PPP1R21: variants seen among roughly 807,000 people sequenced by gnomAD.
PPP1R21 encodes protein phosphatase 1 regulatory subunit 21.
PPP1R21 carries 85 observed loss-of-function variants against 112.8 expected under a neutral mutation model. That is an observed-to-expected ratio of 0.75 (90% CI 0.63 to 0.90). The LOEUF (loss-of-function observed/expected upper bound fraction) is 0.90, where lower values mean the gene tolerates loss of function less well. Ranked by LOEUF, PPP1R21 falls within the 40% of genes least tolerant of loss-of-function variation. The probability of loss-of-function intolerance (pLI) is 0.00; values close to 1 mark genes in which losing one functional copy is unlikely to be tolerated. For missense variants in PPP1R21, 1,199 were observed against 901.5 expected (o/e 1.33, Z -4.23); for synonymous variants, 381 against 322.3 (o/e 1.18, Z -1.95).
chr2:48,454,592 T>C lies in PPP1R21; in HGVS notation c.127-3T>C, dbSNP rs770985883. 85 of 1,613,968 alleles carry C rather than the reference T, an allele frequency of 5.3e-5. No homozygotes were observed. In the South Asian group the frequency reaches 8.7e-4, roughly 16 times the overall value. On this transcript the variant is annotated splice_region_variant and splice_polypyrimidine_tract_variant and intron_variant, in intron 2 of 21. Transcript: ENST00000294952. The stretch of plus-strand genomic sequence containing the variant: ...GGACCAATCTGTTTTCACTTTGATA[T>C]AGGAGCAACTGAAAATGAAGGATCA...
chr2:48,449,698 A>G (rs1005989811), intron 1 of PPP1R21, among the ~76,000 whole-genome samples: 7 of 152,186 alleles, frequency 4.6e-5, no homozygotes, highest in Non-Finnish European at 8.8e-5. Context: ...CTCAGGAGAC[A>G]GATCTGAGCT....
intron 21 of PPP1R21, 49 bp from the exon 22 acceptor site, chr2:48,514,665 TA>T (rs771171499): frequency 1.5e-6 from 2 of 1,343,196 alleles, no homozygotes; most frequent in East Asian, 4.6e-5. Flanking sequence ...CTATGTGAGT[TA>T]TTTTTTTTTA....
intron 3 of PPP1R21, among the ~76,000 whole-genome samples, chr2:48,455,022 G>C (rs1264446415): frequency 6.6e-6 from 1 of 152,072 alleles, no homozygotes; most frequent in African/African-American, 2.4e-5. Flanking sequence ...ATTTTTTGTA[G>C]AGATGGGGTC....
chr2:48,447,208 G>T lies in PPP1R21; in HGVS notation c.58-3800G>T, dbSNP rs191548019. On this transcript the variant is annotated intron_variant, in intron 1 of 21. Transcript: ENST00000294952. ...TATGGGCCGTAGGGAGTCAGGGAGT[G>T]ATTAGGAAAAATTATGGAGGAAGTA... Among the ~76,000 whole-genome samples, 24 of 152,332 alleles carry T rather than the reference G, an allele frequency of 1.6e-4. No individual in the cohort carries two copies. The East Asian group carries it at 4.4e-3, about 28-fold the overall frequency.
rs774930768 is a variant in PPP1R21, at chr2:48,458,132, G to A, written c.280G>A (p.Gly94Arg). 1.9e-6 allele frequency: 3 copies of A among 1,607,240 alleles called. No homozygotes were observed. The East Asian group carries it at 6.7e-5, about 36-fold the overall frequency. Reference sequence around the variant, plus strand: ...AACTTATTCTTTCCATCAGAAAAGTGGAGAATCTTCTTCTCAGTTGAGTCA... The same window carrying A: ...AACTTATTCTTTCCATCAGAAAAGTAGAGAATCTTCTTCTCAGTTGAGTCA... ...EPRGKKNKKS[G>R]ESSSQLSQEQ... is the part of the protein sequence containing the mutation. The change falls in exon 4 of 22, where the codon GGA (glycine) becomes AGA (arginine). Residue 94 changes from glycine to arginine, a missense_variant. Gly to Arg is a moderately radical substitution (Grantham distance 125). Transcript: ENST00000294952.
At chr2:48,498,978 C>G (rs1376708209) in intron 17 of PPP1R21, among the ~76,000 whole-genome samples, 1 of 152,074 alleles carries the variant, frequency 6.6e-6, no homozygotes, top group African/African-American at 2.4e-5. Context: ...TAGACAGCAG[C>G]ATTTTCATGG....
chr2:48,457,287 A>G (rs914908737), intron 3 of PPP1R21, among the ~76,000 whole-genome samples: 2 of 152,222 alleles, frequency 1.3e-5, no homozygotes, highest in Non-Finnish European at 2.9e-5. Flanking sequence ...TTTTCCAAAC[A>G]TGATGGATAT....
At chr2:48,464,679 T>G (rs1668121876) in intron 7 of PPP1R21, among the ~76,000 whole-genome samples, 1 of 152,200 alleles carries the variant, frequency 6.6e-6, no homozygotes, top group Non-Finnish European at 1.5e-5. Flanking sequence ...GAAAGCAGTA[T>G]TTGAAATGAT....
chr2:48,513,408 C>T (rs1355871731), intron 21 of PPP1R21, among the ~76,000 whole-genome samples: 1 of 151,158 alleles, frequency 6.6e-6, no homozygotes, highest in Non-Finnish European at 1.5e-5. Flanking sequence ...CAGGGTTTCA[C>T]CATGTTGCTC....
intron 20 of PPP1R21, among the ~76,000 whole-genome samples, chr2:48,510,541 G>T (rs1670591708): frequency 6.6e-6 from 1 of 152,152 alleles, no homozygotes; most frequent in Admixed American, 6.5e-5. Context: ...TTTTCAGAAA[G>T]CCTCTGCTAA....
At chr2:48,499,056 T>G (rs2103636567) in intron 17 of PPP1R21, among the ~76,000 whole-genome samples, 1 of 150,416 alleles carries the variant, frequency 6.6e-6, no homozygotes, top group East Asian at 2.0e-4. Context: ...TTAATCCTAT[T>G]AGGTTATTTC....
chr2:48,490,146 G>A lies in PPP1R21; in HGVS notation c.1447-872G>A, dbSNP rs542770149. ...AGGCAGGAGAATTGGTTAAACCCAG[G>A]AGGCAGAGGTGGCAGTGAGCTGAGA... On this transcript the variant is annotated intron_variant, in intron 14 of 21. Transcript: ENST00000294952. Among the ~76,000 whole-genome samples, 4 of 149,690 alleles carry A rather than the reference G, an allele frequency of 2.7e-5. No individual in the cohort carries two copies. In the South Asian group the frequency reaches 8.4e-4, roughly 32 times the overall value.
chr2:48,465,677 G>C, intron 9 of PPP1R21, 35 bp downstream of exon 9: 1 of 1,582,262 alleles, frequency 6.3e-7, no homozygotes, highest in Non-Finnish European at 8.6e-7. Flanking sequence ...TGTTTGCCCT[G>C]AACAAAATAG....
At chr2:48,477,429 A>AT (rs1014882431) in intron 12 of PPP1R21, among the ~76,000 whole-genome samples, 2 of 151,990 alleles carry the variant, frequency 1.3e-5, no homozygotes, top group African/African-American at 2.4e-5. Context: ...CCTCATTTTA[A>AT]TTTTTGTATA....
At chr2:48,467,048 C>T (rs978779738) in intron 9 of PPP1R21, among the ~76,000 whole-genome samples, 2 of 152,174 alleles carry the variant, frequency 1.3e-5, no homozygotes, top group African/African-American at 4.8e-5. Context: ...ATTGTACTCA[C>T]AGTGTAACTT....
chr2:48,499,064 T>G (rs1170397889), intron 17 of PPP1R21, among the ~76,000 whole-genome samples: 1 of 150,198 alleles, frequency 6.7e-6, no homozygotes. Flanking sequence ...ATTAGGTTAT[T>G]TCCCAAAAGC....
Position 48,471,305 on chromosome 2 carries a change from T to C in PPP1R21, c.1026T>C (p.Phe342=). 1 of 1,611,948 alleles carries C rather than the reference T, an allele frequency of 6.2e-7. No individual in the cohort carries two copies. Residue 342 remains phenylalanine (F), a synonymous_variant, in exon 11 of 22, where the codon TTT becomes TTC. Coordinates refer to ENST00000294952, the MANE Select transcript of PPP1R21 (RefSeq NM_001135629.3). ...VLETTVKLKT[F]SEHLTSYICF... Reference sequence around the variant, plus strand: ...AGACAACTGTGAAATTGAAAACTTTTTCAGAACACTTAACCTCCTACATAT... The same window carrying C: ...AGACAACTGTGAAATTGAAAACTTTCTCAGAACACTTAACCTCCTACATAT...
intron 17 of PPP1R21, among the ~76,000 whole-genome samples, chr2:48,504,620 A>T (rs1670287048): frequency 6.6e-6 from 1 of 152,112 alleles, no homozygotes; most frequent in African/African-American, 2.4e-5. Context: ...CAGCCTGGGC[A>T]ACAGGGTGAG....
chr2:48,487,084 T>C (rs1669335225), intron 14 of PPP1R21, among the ~76,000 whole-genome samples: 1 of 152,194 alleles, frequency 6.6e-6, no homozygotes, highest in South Asian at 2.1e-4. Flanking sequence ...GTTTAGCATT[T>C]GTCTTGGATG....
Sources: gnomAD v4.1 joint callset for allele counts (sites outside exome capture counted in the v4.1 genomes callset) on GRCh38, gnomAD v4.1.1 for gene constraint, MANE v1.5 for transcripts, NCBI Gene and HGNC (gene_info 2026-07-23, HGNC 2026-07-21) for gene names.